The following ENTPD1 variants were observed in gnomAD, a reference collection of about 807,000 sequenced individuals.
ENTPD1 encodes the protein ATP diphosphohydrolase.
ENTPD1 carries 33 observed loss-of-function variants against 57.0 expected under a neutral mutation model. The ratio of observed to expected loss-of-function variants is 0.58; its 90% CI spans 0.44 to 0.77. The LOEUF (loss-of-function observed/expected upper bound fraction) is 0.77. Ranked by LOEUF, ENTPD1 falls within the 30% of genes least tolerant of loss-of-function variation. The pLI is 0.00. For synonymous variants in ENTPD1, 202 were observed against 218.8 expected, an observed-to-expected ratio of 0.92 and a Z score of 0.68; for missense variants, 501 against 603.4, an observed-to-expected ratio of 0.83 and a Z score of 1.78.
intron 1 of ENTPD1, among the ~76,000 whole-genome samples, chr10:95,767,271 T>TCTCAAA (rs2098092782): frequency 8.0e-6 from 1 of 125,454 alleles, no homozygotes; most frequent in African/African-American, 3.2e-5. Context: ...GCCGAGATCA[T>TCTCAAA]ACCACTGCAC....
chr10:95,715,126 A>C (rs1168423610), intron 1 of ENTPD1, among the ~76,000 whole-genome samples: 2 of 152,192 alleles, frequency 1.3e-5, no homozygotes, highest in African/African-American at 4.8e-5. Context: ...CTTCATGATA[A>C]CAATATTTAT....
intron 7 of ENTPD1, among the ~76,000 whole-genome samples, chr10:95,853,610 T>C (rs1055096661): frequency 3.9e-5 from 6 of 152,142 alleles, no homozygotes; most frequent in Non-Finnish European, 5.9e-5. Context: ...TGTCCCATCA[T>C]TACCTAATTT....
chr10:95,829,342 C>T (rs1307518898), intron 2 of ENTPD1, among the ~76,000 whole-genome samples: 1 of 152,180 alleles, frequency 6.6e-6, no homozygotes, highest in African/African-American at 2.4e-5. Context: ...GGATTTATCC[C>T]CTGGTTCTCA....
intron 2 of ENTPD1, among the ~76,000 whole-genome samples, chr10:95,837,394 T>C (rs906113751): frequency 6.6e-6 from 1 of 152,278 alleles, no homozygotes; most frequent in South Asian, 2.1e-4. Flanking sequence ...TTCTCAAGGG[T>C]CCAGTGGCCC....
chr10:95,856,784 G>A (rs978998701), intron 7 of ENTPD1, among the ~76,000 whole-genome samples: 3 of 149,768 alleles, frequency 2.0e-5, no homozygotes, highest in African/African-American at 7.3e-5. Context: ...AAACAAAGCA[G>A]TATTATAAAA....
upstream of ENTPD1, chr10:95,711,729 T>C (rs1475499905): frequency 1.8e-5 from 10 of 548,958 alleles, no homozygotes; most frequent in Non-Finnish European, 3.3e-5. Context: ...GTCACAGGCA[T>C]GTGACACTGT....
upstream of ENTPD1, among the ~76,000 whole-genome samples, chr10:95,711,015 T>C (rs953286296): frequency 2.6e-5 from 4 of 152,142 alleles, no homozygotes; most frequent in Non-Finnish European, 5.9e-5. Flanking sequence ...ATCTTTACTG[T>C]GCTGGTGCCC....
At chr10:95,832,372 T>G (rs2140689315) in intron 2 of ENTPD1, among the ~76,000 whole-genome samples, 2 of 152,156 alleles carry the variant, frequency 1.3e-5, no homozygotes, top group South Asian at 2.1e-4. Flanking sequence ...CCACTGCCTG[T>G]GAGACACAAT....
intron 1 of ENTPD1, among the ~76,000 whole-genome samples, chr10:95,725,276 T>C (rs1168872013): frequency 6.6e-6 from 1 of 152,220 alleles, no homozygotes; most frequent in Non-Finnish European, 1.5e-5. Flanking sequence ...TTTGATTTTT[T>C]AACATCATAA....
At chr10:95,844,239 A>G (rs1455243420) in intron 4 of ENTPD1, among the ~76,000 whole-genome samples, 1 of 152,156 alleles carries the variant, frequency 6.6e-6, no homozygotes, top group Admixed American at 6.5e-5. Flanking sequence ...AGGAAAACCA[A>G]CCTATGAAAG....
intron 1 of ENTPD1, among the ~76,000 whole-genome samples, chr10:95,730,630 A>T (rs1933165): frequency 0.5 from 76,299 of 152,052 alleles, 19,638 homozygotes; most frequent in Admixed American, 0.6. Context: ...GTGGTAAGAA[A>T]ATAATTGTAA....
In ENTPD1 at chr10:95,875,984, C is replaced by G. The variant is rs897231072; in HGVS notation, c.*9601C>G. On this transcript the variant is annotated 3_prime_UTR_variant, in exon 10 of 10. Transcript: ENST00000371205. ...CCATATCAATGATTTTGTACTTTAA[C>G]CAGCTGAATGGAAGTACAATCTCTT... 1.0e-6 allele frequency: 1 copy of G among 985,122 alleles called. No individual in the cohort carries two copies. The highest frequency in any genetic ancestry group is 1.7e-5 in the African/African-American group (1 of 57,158). 61.0% of individuals were successfully genotyped at this position (985,122 alleles called of 1,614,324 possible).
intron 1 of ENTPD1, among the ~76,000 whole-genome samples, chr10:95,806,565 G>A (rs1252581084): frequency 6.6e-6 from 1 of 152,218 alleles, no homozygotes; most frequent in African/African-American, 2.4e-5. Context: ...AGGAGAAGAG[G>A]TGCTCTGGTT....
At chr10:95,723,554 C>A (rs1001520619) in intron 1 of ENTPD1, among the ~76,000 whole-genome samples, 2 of 152,108 alleles carry the variant, frequency 1.3e-5, no homozygotes, top group African/African-American at 4.8e-5. Flanking sequence ...AACTCTGAAC[C>A]ATTAGTACCT....
At chr10:95,713,016 A>G (rs1486336570) in intron 1 of ENTPD1, among the ~76,000 whole-genome samples, 1 of 148,730 alleles carries the variant, frequency 6.7e-6, no homozygotes, top group African/African-American at 2.5e-5. Flanking sequence ...ACTGGGCGAC[A>G]GAGCGAGATT....
chr10:95,716,305 T>C (rs1303491860), intron 1 of ENTPD1, among the ~76,000 whole-genome samples: 1 of 152,250 alleles, frequency 6.6e-6, no homozygotes, highest in Non-Finnish European at 1.5e-5. Context: ...GCAACTTTGC[T>C]CCACTATAGC....
chr10:95,812,094 C>A (rs577861797), intron 1 of ENTPD1, among the ~76,000 whole-genome samples: 3 of 152,286 alleles, frequency 2.0e-5, no homozygotes, highest in African/African-American at 7.2e-5. Flanking sequence ...TATATAATTT[C>A]TTTACTGAAT....
chr10:95,796,270 G>C (rs545212599), intron 1 of ENTPD1, among the ~76,000 whole-genome samples: 7 of 152,222 alleles, frequency 4.6e-5, no homozygotes, highest in African/African-American at 1.7e-4. Flanking sequence ...CAAGTTAAAG[G>C]CTATTATAGC....
In ENTPD1 at chr10:95,847,553, G is replaced by A; in HGVS notation, c.921G>A (p.Met307Ile). The change falls in exon 7 of 10, where the codon ATG becomes ATA. Residue 307 changes from methionine (M) to isoleucine (I), a missense_variant. Physicochemically the swap from Met to Ile is conservative, Grantham distance 10 (BLOSUM62 1). Coordinates refer to ENST00000371205, the MANE Select transcript of ENTPD1 (RefSeq NM_001776.6). Reference protein sequence around the residue: ...YKTPCTKRFEMTLPFQQFEIQ... With the variant: ...YKTPCTKRFEITLPFQQFEIQ... The stretch of plus-strand genomic sequence containing the variant: ...CCCCCTGCACCAAGAGATTTGAGAT[G>A]ACTCTTCCATTCCAGCAGTTTGAAA... The A allele has an allele frequency of 6.2e-7, 1 of 1,614,146 alleles. No homozygotes were observed. The highest frequency in any genetic ancestry group is 8.5e-7 in the Non-Finnish European group (1 of 1,180,022).
Sources: gnomAD v4.1 joint callset for allele counts (sites outside exome capture counted in the v4.1 genomes callset) on GRCh38, gnomAD v4.1.1 for gene constraint, MANE v1.5 for transcripts, NCBI Gene and HGNC (gene_info 2026-07-23, HGNC 2026-07-21) for gene names.